The following PDE1C variants were observed in gnomAD, a reference collection of about 807,000 sequenced individuals.
The protein encoded by PDE1C is phosphodiesterase 1C, also known as dual specificity calcium/calmodulin-dependent 3',5'-cyclic nucleotide phosphodiesterase 1C.
PDE1C carries 62 observed loss-of-function variants against 93.1 expected under a neutral mutation model. That is an observed-to-expected ratio of 0.67 (90% CI 0.54 to 0.82). The LOEUF is 0.82. PDE1C is among the 40% of genes least tolerant of loss of function. The pLI is 0.00. For missense variants in PDE1C, 742 were observed against 884.6 expected, an observed-to-expected ratio of 0.84 and a Z score of 2.04; for synonymous variants, 325 against 310.1, an observed-to-expected ratio of 1.05 and a Z score of -0.50.
At chr7:31,794,025 T>TAGAC in intron 16 of PDE1C, among the ~76,000 whole-genome samples, 1 of 112,278 alleles carries the variant, frequency 8.9e-6, no homozygotes, top group Non-Finnish European at 1.9e-5. Flanking sequence ...GATAGATAGA[T>TAGAC]AGATAGATAG....
chr7:31,853,440 G>T (rs1486614776), intron 7 of PDE1C, among the ~76,000 whole-genome samples: 1 of 152,122 alleles, frequency 6.6e-6, no homozygotes, highest in African/African-American at 2.4e-5. Flanking sequence ...TCAGAAGAAT[G>T]AACTAAATGA....
intron 2 of PDE1C, among the ~76,000 whole-genome samples, chr7:31,992,867 C>T (rs1784298540): frequency 6.6e-6 from 1 of 152,128 alleles, no homozygotes. Context: ...GTGGAAGACA[C>T]TGCATAAATA....
chr7:31,805,652 AG>A (rs1193186321), intron 16 of PDE1C, among the ~76,000 whole-genome samples: 1 of 150,484 alleles, frequency 6.6e-6, no homozygotes, highest in African/African-American at 2.4e-5. Context: ...CTAGTAAGGG[AG>A]TACTACTGTA....
chr7:32,372,699 T>A (rs1585130232), intron 1 of PDE1C, among the ~76,000 whole-genome samples: 6 of 152,048 alleles, frequency 3.9e-5, no homozygotes, highest in Admixed American at 3.9e-4. Context: ...GAGAAACTAT[T>A]TACAAATCAC....
At chr7:31,673,939 T>C in the PDE1C span, among the ~76,000 whole-genome samples, 1 of 152,148 alleles carries the variant, frequency 6.6e-6, no homozygotes, top group African/African-American at 2.4e-5. Context: ...TCATCATGGG[T>C]AGCGAAAAGA....
the PDE1C span, among the ~76,000 whole-genome samples, chr7:31,645,824 C>G: frequency 1.3e-5 from 2 of 152,116 alleles, no homozygotes; most frequent in Non-Finnish European, 2.9e-5. Flanking sequence ...TCCTAAAATA[C>G]AGAGAACAGC....
At chr7:31,856,121 C>T (rs569578924) in intron 7 of PDE1C, among the ~76,000 whole-genome samples, 1 of 152,294 alleles carries the variant, frequency 6.6e-6, no homozygotes, top group Non-Finnish European at 1.5e-5. Flanking sequence ...GAAGCCCAGA[C>T]ACCACTTTAT....
At chr7:32,410,159 ATAAAG>A (rs1195172678) in intron 1 of PDE1C, among the ~76,000 whole-genome samples, 5 of 152,172 alleles carry the variant, frequency 3.3e-5, no homozygotes, top group Admixed American at 1.3e-4. Context: ...CAAAATCAAT[ATAAAG>A]TAGTTTTTTA....
chr7:32,208,051 T>A (rs962839680), intron 2 of PDE1C, among the ~76,000 whole-genome samples: 1 of 152,226 alleles, frequency 6.6e-6, no homozygotes, highest in African/African-American at 2.4e-5. Context: ...TTGCAAATAA[T>A]GATTCCAGGT....
intron 1 of PDE1C, among the ~76,000 whole-genome samples, chr7:32,344,151 G>A (rs755745306): frequency 2.0e-5 from 3 of 152,088 alleles, no homozygotes; most frequent in Admixed American, 1.3e-4. Flanking sequence ...ATAGCTCACT[G>A]CAGCCTCCAT....
At chr7:32,027,663 T>G (rs1013028351) in intron 2 of PDE1C, among the ~76,000 whole-genome samples, 2 of 127,820 alleles carry the variant, frequency 1.6e-5, no homozygotes, top group African/African-American at 6.1e-5. Context: ...GGGAAGAAAT[T>G]TTTATCAATC....
chr7:31,816,158 C>A lies in PDE1C; in HGVS notation c.1583-4G>T, dbSNP rs1298991354. On this transcript the variant is annotated splice_region_variant and splice_polypyrimidine_tract_variant and intron_variant, in intron 14 of 17. Coordinates refer to ENST00000396191, the MANE Select transcript of PDE1C (RefSeq NM_001191057.4). ...GCTTCCTTCTTGGCCTTCTCCTCTG[C>A]ATCCATGGCAAGTTGGGAAAGCCAC... is the stretch of plus-strand genomic sequence containing the variant. 6.2e-7 allele frequency: 1 copy of A among 1,610,790 alleles called. No homozygotes were observed.
At chr7:31,962,792 GC>G (rs1809210539) in intron 2 of PDE1C, among the ~76,000 whole-genome samples, 1 of 151,684 alleles carries the variant, frequency 6.6e-6, no homozygotes, top group South Asian at 2.1e-4. Context: ...GACATCTAAG[GC>G]CCCTCCATCT....
chr7:32,353,552 TTTTG>T lies in PDE1C; in HGVS notation c.310+74266_310+74269del, dbSNP rs201199866. On this transcript the variant is annotated intron_variant, in intron 1 of 1. Coordinates refer to the PDE1C transcript ENST00000672256. ...TTAGTCTACAGGTATTGCCTGTAGT[TTTTG>T]TTTTTTTTTTTTTTCTAGTTTGTTA... Among the ~76,000 whole-genome samples the T allele has an allele frequency of 1.7e-3, 64 of 38,694 alleles. No individual in the cohort carries two copies. The East Asian group carries it at 0.019, about 11-fold the overall frequency. 25.4% of individuals were successfully genotyped at this position (38,694 alleles called of 152,430 possible).
Position 32,001,678 on chromosome 7 carries a change from G to A in PDE1C, c.128+49876C>T, listed in dbSNP as rs369223743. The stretch of plus-strand genomic sequence containing the variant: ...CCATTTTGCAGATGACGAAAAAGGT[G>A]TCATGTAAAAAAGTAAAAAAAAAAT... On this transcript the variant is annotated intron_variant, in intron 2 of 17. Coordinates refer to ENST00000396191, the MANE Select transcript of PDE1C (RefSeq NM_001191057.4). Among the ~76,000 whole-genome samples, 230 of 152,202 alleles carry A rather than the reference G, an allele frequency of 1.5e-3. 1 individual carries two copies. Among genetic ancestry groups the A allele is most frequent in the African/African-American group, 5.4e-3 (223 of 41,534 alleles).
intron 1 of PDE1C, among the ~76,000 whole-genome samples, chr7:32,213,570 C>T (rs1162544544): frequency 1.3e-5 from 2 of 152,242 alleles, no homozygotes; most frequent in African/African-American, 2.4e-5. Flanking sequence ...AGTCCAACAG[C>T]ACGCTGCAGG....
chr7:31,923,965 C>T (rs1235239158), intron 2 of PDE1C, among the ~76,000 whole-genome samples: 1 of 152,092 alleles, frequency 6.6e-6, no homozygotes, highest in Non-Finnish European at 1.5e-5. Flanking sequence ...AACTTTTTTT[C>T]TATTCAGCTT....
At chr7:31,746,558 G>A (rs1794011004), downstream of PDE1C, among the ~76,000 whole-genome samples, 3 of 152,136 alleles carry the variant, frequency 2.0e-5, no homozygotes, top group Admixed American at 2.0e-4. Flanking sequence ...ACTGTGCTCT[G>A]GCAGTTTGGA....
chr7:31,897,951 A>G (rs1350451027), intron 2 of PDE1C, among the ~76,000 whole-genome samples: 3 of 151,948 alleles, frequency 2.0e-5, no homozygotes, highest in Non-Finnish European at 2.9e-5. Context: ...ATGCTGGTAT[A>G]TATTTTTTCT....
Sources: gnomAD v4.1 joint callset for allele counts (sites outside exome capture counted in the v4.1 genomes callset) on GRCh38, gnomAD v4.1.1 for gene constraint, MANE v1.5 for transcripts, NCBI Gene and HGNC (gene_info 2026-07-23, HGNC 2026-07-21) for gene names.